REEP1: variants seen among roughly 807,000 people sequenced by gnomAD.
REEP1 encodes the protein receptor accessory protein 1, also known as receptor expression-enhancing protein 1.
A neutral mutation model predicts 40.3 loss-of-function variants in REEP1; 22 were observed. The observed-to-expected ratio is 0.55, with a 90% confidence interval of 0.39 to 0.78. The LOEUF (loss-of-function observed/expected upper bound fraction) is 0.78, where lower values mean the gene tolerates loss of function less well. REEP1 is among the 30% of genes least tolerant of loss of function. REEP1 has a pLI of 0.00. For synonymous variants in REEP1, 116 were observed against 139.2 expected, an observed-to-expected ratio of 0.83 and a Z score of 1.17; for missense variants, 280 against 361.1, an observed-to-expected ratio of 0.78 and a Z score of 1.82.
intron 1 of REEP1, among the ~76,000 whole-genome samples, chr2:86,294,356 T>C (rs1340456109): frequency 6.6e-6 from 1 of 152,210 alleles, no homozygotes; most frequent in Non-Finnish European, 1.5e-5. Context: ...AAAAAATATC[T>C]GCATGAATAT....
At chr2:86,337,875 G>A (rs1163092207), upstream of REEP1, 7 of 888,338 alleles carry the variant, frequency 7.9e-6, no homozygotes, top group Non-Finnish European at 1.2e-5. This position sits in a 1 kb window ranked among gnomAD's most constrained non-coding sequence, Gnocchi z 5.8. Context: ...CCCGTTTGCA[G>A]GGCAGGGACC....
At chr2:86,258,440 T>A (rs1461233347) in intron 3 of REEP1, among the ~76,000 whole-genome samples, 1 of 152,168 alleles carries the variant, frequency 6.6e-6, no homozygotes, top group African/African-American at 2.4e-5. Flanking sequence ...TATCTGGCCC[T>A]TTACAAAAAA....
chr2:86,282,289 A>G (rs1285981998), intron 1 of REEP1, 47 bp from the exon 2 acceptor site: 1 of 1,379,736 alleles, frequency 7.2e-7, no homozygotes. Context: ...CATTTATCTT[A>G]TTTAATGGAA....
rs1027292399 is a variant in REEP1, at chr2:86,295,746, A to C, written c.33-13504T>G. Among the ~76,000 whole-genome samples the C allele has an allele frequency of 3.3e-5, 5 of 152,252 alleles. No homozygotes were observed. In the East Asian group the frequency reaches 9.7e-4, roughly 29 times the overall value. ...AGTAGAGACGGGGTTTCACCGTGTTAGCCAGGATGGTCTCGATCTCCTGAC... is the reference window on the plus strand; with the variant it reads ...AGTAGAGACGGGGTTTCACCGTGTTCGCCAGGATGGTCTCGATCTCCTGAC... On this transcript the variant is annotated intron_variant, in intron 1 of 8. Transcript: ENST00000538924.
intron 1 of REEP1, among the ~76,000 whole-genome samples, chr2:86,295,851 G>A (rs1009133053): frequency 3.9e-5 from 6 of 152,162 alleles, no homozygotes; most frequent in African/African-American, 1.4e-4. Flanking sequence ...CAGCTGCTTT[G>A]TTTAGAAAAT....
intron 1 of REEP1, among the ~76,000 whole-genome samples, chr2:86,330,638 G>A (rs549172687): frequency 6.6e-6 from 1 of 152,056 alleles, no homozygotes; most frequent in South Asian, 2.1e-4. Flanking sequence ...TAGAGATGGG[G>A]TTTTGCCATG....
intron 2 of REEP1, among the ~76,000 whole-genome samples, chr2:86,268,270 C>T (rs1226549130): frequency 1.3e-5 from 2 of 152,092 alleles, no homozygotes; most frequent in African/African-American, 2.4e-5. Context: ...AAAAAATCCT[C>T]CTGGGATTAA....
chr2:86,337,625 C>G lies in REEP1; in HGVS notation c.-115G>C, dbSNP rs1483514889. On this transcript the variant is annotated 5_prime_UTR_variant, in exon 1 of 9. Coordinates refer to ENST00000538924, the MANE Select transcript of REEP1 (RefSeq NM_001371279.1). The surrounding 1 kb of genome is among the most constrained non-coding windows in gnomAD (Gnocchi z 5.8). ...TCAGCTCACGGCAGCCGCCGCCAGACTGAGCGCGCCCGCCGCCCTGCCCGG... is the reference window on the plus strand; with the variant it reads ...TCAGCTCACGGCAGCCGCCGCCAGAGTGAGCGCGCCCGCCGCCCTGCCCGG... The G allele has an allele frequency of 4.5e-6, 5 of 1,103,424 alleles. No homozygotes were observed. The highest frequency in any genetic ancestry group is 5.5e-6 in the Non-Finnish European group (5 of 906,306). The allele number at this position is 1,103,424 out of a possible 1,614,324, so 68.4% of individuals were successfully genotyped here. A position where few individuals can be genotyped will look rare whatever the true frequency, so the allele number is the denominator to read the frequency against.
chr2:86,285,784 C>T (rs1863061), intron 1 of REEP1, among the ~76,000 whole-genome samples: 54,895 of 152,132 alleles, frequency 0.36, 11,954 homozygotes, highest in East Asian at 0.58. Flanking sequence ...GAGTAACAAG[C>T]AATTTCAATC....
At chr2:86,305,197 T>C (rs939770284) in intron 1 of REEP1, among the ~76,000 whole-genome samples, 7 of 152,214 alleles carry the variant, frequency 4.6e-5, no homozygotes, top group African/African-American at 1.7e-4. Flanking sequence ...ATGGTCCCTC[T>C]AGTCTTAACA....
At chr2:86,246,283 C>T (rs1372546790) in intron 5 of REEP1, among the ~76,000 whole-genome samples, 18 of 152,212 alleles carry the variant, frequency 1.2e-4, no homozygotes, top group Admixed American at 1.2e-3. Flanking sequence ...AGCCAGAGCC[C>T]CTCATCTCAA....
chr2:86,244,786 C>T (rs1314769070), intron 5 of REEP1, among the ~76,000 whole-genome samples: 1 of 152,168 alleles, frequency 6.6e-6, no homozygotes, highest in African/African-American at 2.4e-5. Context: ...GCAGTGCTGT[C>T]CAAAAGAACT....
chr2:86,231,046 G>GT, intron 6 of REEP1, among the ~76,000 whole-genome samples: 1 of 152,232 alleles, frequency 6.6e-6, no homozygotes, highest in Non-Finnish European at 1.5e-5. Flanking sequence ...AGCCTGGATG[G>GT]TTGATGAGTG....
intron 5 of REEP1, among the ~76,000 whole-genome samples, chr2:86,235,613 C>T (rs149609046): frequency 1.5e-4 from 23 of 152,294 alleles, no homozygotes; most frequent in African/African-American, 5.1e-4. Flanking sequence ...CCCAAATAAA[C>T]GGCCAGGGAC....
chr2:86,217,610 A>T (rs767342237), intron 8 of REEP1, among the ~76,000 whole-genome samples: 2 of 151,092 alleles, frequency 1.3e-5, no homozygotes, highest in Non-Finnish European at 2.9e-5. Flanking sequence ...CTTGAAGTAC[A>T]GGTTGAATAT....
chr2:86,335,734 A>G (rs1025456016), intron 1 of REEP1, among the ~76,000 whole-genome samples: 2 of 151,920 alleles, frequency 1.3e-5, no homozygotes, highest in African/African-American at 4.8e-5. Context: ...TTGTAATCCC[A>G]GCTACTCGGG....
chr2:86,227,489 G>A (rs1183401460), intron 6 of REEP1, 91 bp from the exon 7 acceptor site: 1 of 1,069,930 alleles, frequency 9.3e-7, no homozygotes, highest in African/African-American at 1.6e-5. Flanking sequence ...GAGAGGTGTG[G>A]GGATCCCAGT....
chr2:86,260,154 A>T (rs1312909769), intron 3 of REEP1, among the ~76,000 whole-genome samples: 1 of 152,156 alleles, frequency 6.6e-6, no homozygotes, highest in Non-Finnish European at 1.5e-5. Context: ...GAAGACTAGG[A>T]TCTATGACAC....
rs115045571 is a variant in REEP1, at chr2:86,284,862, G to A, written c.33-2620C>T. 3.7e-3 allele frequency among the ~76,000 whole-genome samples: 556 copies of A among 152,270 alleles called. 4 individuals carry two copies. Among genetic ancestry groups the A allele is most frequent in the African/African-American group, 0.012 (503 of 41,560 alleles). On this transcript the variant is annotated intron_variant, in intron 1 of 8. Coordinates refer to ENST00000538924, the MANE Select transcript of REEP1 (RefSeq NM_001371279.1). The stretch of plus-strand genomic sequence containing the variant: ...AGTGAGCTGGTTGCCAGCATCCTCC[G>A]CCTGGCTCCTGTGTTATAGCACAAG...
Sources: gnomAD v4.1 joint callset for allele counts (sites outside exome capture counted in the v4.1 genomes callset) on GRCh38, gnomAD v4.1.1 for gene constraint, Gnocchi (gnomAD v3.1) non-coding constraint, MANE v1.5 for transcripts, NCBI Gene and HGNC (gene_info 2026-07-23, HGNC 2026-07-21) for gene names.